Variants in UBQLN3 observed in about 807,000 individuals in gnomAD.
UBQLN3 encodes the protein ubiquilin-3.
In UBQLN3, 1 loss-of-function variant was observed where a neutral mutation model predicts 2.9. The observed-to-expected ratio is 0.35, with a 90% CI of 0.12 to 1.66. The LOEUF (loss-of-function observed/expected upper bound fraction) is 1.66. UBQLN3 is among the 40% of genes most tolerant of loss of function. UBQLN3 has a pLI of 0.35. For missense variants in UBQLN3, 924 were observed against 816.5 expected (o/e 1.13, Z -1.61); for synonymous variants, 358 against 317.6 (o/e 1.13, Z -1.35).
chr11:5,507,643 A>G lies in UBQLN3; in HGVS notation c.1916T>C (p.Ile639Thr), dbSNP rs1367694825. ...AGCATCCACGTCGCCCCCCGTAGCAATGAGGGCCTGAAGATTGGCTTCACG... is the reference window on the plus strand; with the variant it reads ...AGCATCCACGTCGCCCCCCGTAGCAGTGAGGGCCTGAAGATTGGCTTCACG... ...LNREANLQAL[I>T]ATGGDVDAAV... The change falls in exon 2 of 2, where the codon ATT (isoleucine) becomes ACT (threonine). Residue 639 changes from isoleucine (I) to threonine (T), a missense_variant. Physicochemically the swap from Ile to Thr is moderately conservative, Grantham distance 89. Transcript: ENST00000311659. The G allele has an allele frequency of 3.7e-6, 6 of 1,613,842 alleles. No homozygotes were observed. The highest frequency in any genetic ancestry group is 5.1e-6 in the Non-Finnish European group (6 of 1,179,806).
chr11:5,509,592 C>T lies in UBQLN3; in HGVS notation c.-34G>A. The T allele has an allele frequency of 6.3e-7, 1 of 1,588,696 alleles. No individual in the cohort carries two copies. Among genetic ancestry groups the T allele is most frequent in the Non-Finnish European group, 8.6e-7 (1 of 1,169,260 alleles). ...CAGGAGGCCCAGATCTGTGGGGACACAGCTAGGGGCATGGGGATTGGAGAC... is the reference window on the plus strand; with the variant it reads ...CAGGAGGCCCAGATCTGTGGGGACATAGCTAGGGGCATGGGGATTGGAGAC... On this transcript the variant is annotated splice_region_variant and 5_prime_UTR_variant, in exon 2 of 2. It adds an upstream start codon to the 5' untranslated region. Coordinates refer to ENST00000311659, the MANE Select transcript of UBQLN3 (RefSeq NM_017481.4).
In UBQLN3 at chr11:5,508,469, C is replaced by T. The variant is rs1029116268; in HGVS notation, c.1090G>A (p.Ala364Thr). The change falls in exon 2 of 2, where the codon GCA (alanine) becomes ACA (threonine). Residue 364 changes from alanine to threonine, a missense_variant. Ala to Thr is a moderately conservative substitution (Grantham distance 58). Transcript: ENST00000311659. The surrounding 1 kb of genome is among the most constrained non-coding windows in gnomAD (Gnocchi z 4.2). Reference protein sequence around the residue: ...QSLGTYLQGTASALSQSQEPP... With the variant: ...QSLGTYLQGTTSALSQSQEPP... ...TCCTGGCTTTGGCTGAGGGCAGATG[C>T]AGTCCCCTGTAGATAAGTTCCTAGG... 2.5e-6 allele frequency: 4 copies of T among 1,612,410 alleles called. No homozygotes were observed. Among genetic ancestry groups the T allele is most frequent in the East Asian group, 2.2e-5 (1 of 44,864 alleles).
At position 5,507,826 on chromosome 11, in the gene UBQLN3, T is replaced by G; in HGVS notation, c.1733A>C (p.Glu578Ala). ...TGCAGAGTCCAGTGCTGGGAACACC[T>G]CAGGAGGTGGATTTGGGAGAGGATC... ...SEDPLPNPPP[E>A]VFPALDSAEL... Residue 578 changes from glutamate (E) to alanine (A), a missense_variant, in exon 2 of 2, where the codon GAG (glutamate) becomes GCG (alanine). Coordinates refer to ENST00000311659, the MANE Select transcript of UBQLN3 (RefSeq NM_017481.4). 1 of 1,613,940 alleles carries G rather than the reference T, an allele frequency of 6.2e-7. No homozygotes were observed. The highest frequency in any genetic ancestry group is 8.5e-7 in the Non-Finnish European group (1 of 1,180,006).
chr11:5,508,003 C>CG lies in UBQLN3; in HGVS notation c.1555dup (p.Arg519ProfsTer10). The stretch of plus-strand genomic sequence containing the variant: ...AATCTGCCGCAGGGCTTGCAGGGCA[C>CG]GGGGGTTTGCCATGGCTGCCTGAAG... On this transcript the variant is annotated frameshift_variant, in exon 2 of 2. Coordinates refer to ENST00000311659, the MANE Select transcript of UBQLN3 (RefSeq NM_017481.4). LOFTEE classifies it low-confidence loss of function (END_TRUNC). The surrounding 1 kb of genome is among the most constrained non-coding windows in gnomAD (Gnocchi z 4.2). 2 of 1,614,040 alleles carry CG rather than the reference C, an allele frequency of 1.2e-6. No homozygotes were observed. Among genetic ancestry groups the CG allele is most frequent in the Non-Finnish European group, 1.7e-6 (2 of 1,180,028 alleles).
In UBQLN3 at chr11:5,508,151, C is replaced by T. The variant is rs751977598; in HGVS notation, c.1408G>A (p.Gly470Arg). 1.2e-6 allele frequency: 2 copies of T among 1,614,050 alleles called. No homozygotes were observed. Among genetic ancestry groups the T allele is most frequent in the Admixed American group, 1.7e-5 (1 of 60,000 alleles). The change falls in exon 2 of 2, where the codon GGA becomes AGA. Residue 470 changes from glycine (G) to arginine (R), a missense_variant. Transcript: ENST00000311659. The surrounding 1 kb of genome is among the most constrained non-coding windows in gnomAD (Gnocchi z 4.2). The stretch of plus-strand genomic sequence containing the variant: ...GGCAGCCAGGGAGGCTCAGGGATTC[C>T]AGGAATGGCTGCCGTGGGGGAAAAA... The part of the protein sequence containing the change: ...LSFSPTAAIP[G>R]IPEPPWLPSP...
chr11:5,508,375 G>T lies in UBQLN3; in HGVS notation c.1184C>A (p.Pro395His). Residue 395 changes from proline to histidine, a missense_variant, in exon 2 of 2, where the codon CCT becomes CAT. Pro to His is a moderately conservative substitution (Grantham distance 77). Coordinates refer to ENST00000311659, the MANE Select transcript of UBQLN3 (RefSeq NM_017481.4). The surrounding 1 kb of genome is among the most constrained non-coding windows in gnomAD (Gnocchi z 4.2). ...GATTGCTACTGACTCCTCGGGGAGA[G>T]GCTGGCCTGACCCAGGCTCCTGAGA... ...PSSQEPGSGQPLPEESVAIKG... is the reference protein window; with the variant it reads ...PSSQEPGSGQHLPEESVAIKG... 1.2e-6 allele frequency: 2 copies of T among 1,603,852 alleles called. No individual in the cohort carries two copies. The highest frequency in any genetic ancestry group is 1.7e-6 in the Non-Finnish European group (2 of 1,174,880).
chr11:5,507,743 T>G lies in UBQLN3; in HGVS notation c.1816A>C (p.Asn606His). The change falls in exon 2 of 2, where the codon AAT becomes CAT. Residue 606 changes from asparagine (N) to histidine (H), a missense_variant. By Grantham distance (68) the Asn-to-His change is moderately conservative (BLOSUM62 1). Transcript: ENST00000311659. ...LHMLQDLVST[N>H]PQQLQPEAHF... The stretch of plus-strand genomic sequence containing the variant: ...GCCTCAGGCTGCAGCTGCTGGGGAT[T>G]TGTACTAACTAAATCTTGCAGCATA... 3 of 1,614,072 alleles carry G rather than the reference T, an allele frequency of 1.9e-6. No homozygotes were observed. Among genetic ancestry groups the G allele is most frequent in the Non-Finnish European group, 1.7e-6 (2 of 1,180,032 alleles).
chr11:5,508,737 G>A lies in UBQLN3; in HGVS notation c.822C>T (p.Gly274=), dbSNP rs2234448. Residue 274 remains glycine (G), a synonymous_variant, in exon 2 of 2, where the codon GGC becomes GGT. Coordinates refer to ENST00000311659, the MANE Select transcript of UBQLN3 (RefSeq NM_017481.4). The surrounding 1 kb of genome is among the most constrained non-coding windows in gnomAD (Gnocchi z 4.2). ...TAGTGGCAGTGGCAAAGGGATTGCC[G>A]CCAAACTGCTCCTGGACTGCGTTAA... is the stretch of plus-strand genomic sequence containing the variant. ...PMLNAVQEQF[G]GNPFATATTD... is the part of the protein sequence containing the mutation. 2.3e-3 allele frequency: 3,690 copies of A among 1,613,840 alleles called. 70 individuals carry two copies. The African/African-American group carries it at 0.043, about 19-fold the overall frequency.
rs1233761620 is a variant in UBQLN3, at chr11:5,508,979, T to C, written c.580A>G (p.Asn194Asp). The change falls in exon 2 of 2, where the codon AAC becomes GAC. Residue 194 changes from asparagine to aspartate, a missense_variant. Transcript: ENST00000311659. This position sits in a 1 kb window ranked among gnomAD's most constrained non-coding sequence, Gnocchi z 4.2. ...TGGATCAGCTGCTGCATATGGGGGT[T>C]GTCAAGAACCAGCTGGCGTACTAGG... The part of the protein sequence containing the change: ...TGLVRQLVLD[N>D]PHMQQLIQHN... The C allele has an allele frequency of 6.2e-7, 1 of 1,614,118 alleles. No homozygotes were observed. Among genetic ancestry groups the C allele is most frequent in the Admixed American group, 1.7e-5 (1 of 60,016 alleles).
chr11:5,508,952 GC>G lies in UBQLN3; in HGVS notation c.606del (p.Gln202HisfsTer28). 1 of 1,614,200 alleles carries G rather than the reference GC, an allele frequency of 6.2e-7. No individual in the cohort carries two copies. Among genetic ancestry groups the G allele is most frequent in the East Asian group, 2.2e-5 (1 of 44,882 alleles). ...LDNPHMQQLI[Q>X]HNPEIGHILN... ...AGAATATGCCCAATCTCAGGGTTGT[GC>G]TGGATCAGCTGCTGCATATGGGGGT... On this transcript the variant is annotated frameshift_variant, in exon 2 of 2. Coordinates refer to ENST00000311659, the MANE Select transcript of UBQLN3 (RefSeq NM_017481.4). LOFTEE classifies it low-confidence loss of function (END_TRUNC). The surrounding 1 kb of genome is among the most constrained non-coding windows in gnomAD (Gnocchi z 4.2).
Position 5,509,393 on chromosome 11 carries a change from C to A in UBQLN3, c.166G>T (p.Ala56Ser), listed in dbSNP as rs149544776. ...LKEEISQRFKAHPDQLVLIFA... is the reference protein window; with the variant it reads ...LKEEISQRFKSHPDQLVLIFA... ...ATTAGAACAAGCTGATCGGGGTGGG[C>A]CTTAAAGCGCTGAGATATCTCTTCC... Residue 56 changes from alanine to serine, a missense_variant, in exon 2 of 2, where the codon GCC becomes TCC. By Grantham distance (99) the Ala-to-Ser change is moderately conservative. Transcript: ENST00000311659. 1 of 1,614,128 alleles carries A rather than the reference C, an allele frequency of 6.2e-7. No individual in the cohort carries two copies. Among genetic ancestry groups the A allele is most frequent in the Non-Finnish European group, 8.5e-7 (1 of 1,180,006 alleles).
Position 5,509,533 on chromosome 11 carries a change from G to T in UBQLN3, c.26C>A (p.Pro9Gln). The change falls in exon 2 of 2, where the codon CCA becomes CAA. Residue 9 changes from proline to glutamine, a missense_variant. By Grantham distance (76) the Pro-to-Gln change is moderately conservative. Coordinates refer to ENST00000311659, the MANE Select transcript of UBQLN3 (RefSeq NM_017481.4). MAKGGEAL[P>Q]QGSPAPVQDP... ...CTGGACTGGTGCTGGGCTGCCCTGT[G>T]GCAGGGCTTCTCCACCTTTGGCCAT... 1 of 1,613,834 alleles carries T rather than the reference G, an allele frequency of 6.2e-7. No homozygotes were observed. Among genetic ancestry groups the T allele is most frequent in the Non-Finnish European group, 8.5e-7 (1 of 1,179,834 alleles).
In UBQLN3 at chr11:5,508,391, G is replaced by A. The variant is rs1172438940; in HGVS notation, c.1168C>T (p.Pro390Ser). Residue 390 changes from proline (P) to serine (S), a missense_variant, in exon 2 of 2, where the codon CCT (proline) becomes TCT (serine). Physicochemically the swap from Pro to Ser is moderately conservative, Grantham distance 74 (BLOSUM62 -1). Transcript: ENST00000311659. The surrounding 1 kb of genome is among the most constrained non-coding windows in gnomAD (Gnocchi z 4.2). ...TCGGGGAGAGGCTGGCCTGACCCAG[G>A]CTCCTGAGATGAGGGTGACGATGGG... Reference protein sequence around the residue: ...VPPSSPSSQEPGSGQPLPEES... With the variant: ...VPPSSPSSQESGSGQPLPEES... The A allele has an allele frequency of 1.2e-6, 2 of 1,601,352 alleles. No individual in the cohort carries two copies. Among genetic ancestry groups the A allele is most frequent in the East Asian group, 2.2e-5 (1 of 44,754 alleles).
In UBQLN3 at chr11:5,508,029, G is replaced by A; in HGVS notation, c.1530C>T (p.His510=). The stretch of plus-strand genomic sequence containing the variant: ...GGGGGTTTGCCATGGCTGCCTGAAG[G>A]TGCATCAGCAGTGGCAGCTGTGGTT... The part of the protein sequence containing the change: ...EIQPQLPLLM[H]LQAAMANPRA... Residue 510 remains histidine, a synonymous_variant, in exon 2 of 2, where the codon CAC becomes CAT. Transcript: ENST00000311659. The surrounding 1 kb of genome is among the most constrained non-coding windows in gnomAD (Gnocchi z 4.2). The A allele has an allele frequency of 6.2e-7, 1 of 1,614,144 alleles. No homozygotes were observed. Among genetic ancestry groups the A allele is most frequent in the Non-Finnish European group, 8.5e-7 (1 of 1,180,042 alleles).
chr11:5,508,653 G>A lies in UBQLN3; in HGVS notation c.906C>T (p.Leu302=). The change falls in exon 2 of 2, where the codon CTC becomes CTT. Residue 302 remains leucine, a synonymous_variant. Transcript: ENST00000311659. This position sits in a 1 kb window ranked among gnomAD's most constrained non-coding sequence, Gnocchi z 4.2. ...CATGTGTGGAAGTCCAGGGGTTGGG[G>A]AGAGGGTCACAATTCTCCATCCTTG... ...QPSRMENCDP[L]PNPWTSTHGG... The A allele has an allele frequency of 6.2e-7, 1 of 1,614,074 alleles. No homozygotes were observed. Among genetic ancestry groups the A allele is most frequent in the African/African-American group, 1.3e-5 (1 of 75,022 alleles).
chr11:5,507,664 T>C lies in UBQLN3; in HGVS notation c.1895A>G (p.Glu632Gly), dbSNP rs1846398206. The change falls in exon 2 of 2, where the codon GAA (glutamate) becomes GGA (glycine). Residue 632 changes from glutamate (E) to glycine (G), a missense_variant. Coordinates refer to ENST00000311659, the MANE Select transcript of UBQLN3 (RefSeq NM_017481.4). ...QLRSMGFLNR[E>G]ANLQALIATG... ...AGCAATGAGGGCCTGAAGATTGGCT[T>C]CACGATTCAGAAAGCCCATGGACCG... 1 of 1,613,964 alleles carries C rather than the reference T, an allele frequency of 6.2e-7. No homozygotes were observed. The highest frequency in any genetic ancestry group is 8.5e-7 in the Non-Finnish European group (1 of 1,180,022).
Position 5,509,011 on chromosome 11 carries a change from T to C in UBQLN3, c.548A>G (p.Asn183Ser). Reference sequence around the variant, plus strand: ...AACCAGCTGGCGTACTAGGCCTGTGTTGGACAGCAGACCCGGGATGAAGGG... The same window carrying C: ...AACCAGCTGGCGTACTAGGCCTGTGCTGGACAGCAGACCCGGGATGAAGGG... ...DDPFIPGLLS[N>S]TGLVRQLVLD... The change falls in exon 2 of 2, where the codon AAC becomes AGC. Residue 183 changes from asparagine to serine, a missense_variant. Asn to Ser is a conservative substitution (Grantham distance 46, BLOSUM62 1). Coordinates refer to ENST00000311659, the MANE Select transcript of UBQLN3 (RefSeq NM_017481.4). 4 of 1,614,114 alleles carry C rather than the reference T, an allele frequency of 2.5e-6. No individual in the cohort carries two copies. The highest frequency in any genetic ancestry group is 3.4e-6 in the Non-Finnish European group (4 of 1,179,982).
Position 5,509,388 on chromosome 11 carries a change from G to T in UBQLN3, c.171C>A (p.His57Gln), listed in dbSNP as rs1158276146. ...KEEISQRFKAHPDQLVLIFAG... is the reference protein window; with the variant it reads ...KEEISQRFKAQPDQLVLIFAG... ...CAAAGATTAGAACAAGCTGATCGGG[G>T]TGGGCCTTAAAGCGCTGAGATATCT... The change falls in exon 2 of 2, where the codon CAC becomes CAA. Residue 57 changes from histidine to glutamine, a missense_variant. By Grantham distance (24) the His-to-Gln change is conservative. Coordinates refer to ENST00000311659, the MANE Select transcript of UBQLN3 (RefSeq NM_017481.4). 6.2e-7 allele frequency: 1 copy of T among 1,614,200 alleles called. No individual in the cohort carries two copies. The highest frequency in any genetic ancestry group is 1.7e-5 in the Admixed American group (1 of 60,036).
In UBQLN3 at chr11:5,509,268, G is replaced by A. The variant is rs16932068; in HGVS notation, c.291C>T (p.Ala97=). The A allele has an allele frequency of 8.1e-4, 1,315 of 1,614,210 alleles. 11 individuals carry two copies. The African/African-American group carries it at 0.016, about 19-fold the overall frequency. ...AGGCAGCTGGGCACTCATTGCCCAT[G>A]GCACGGTGCTGCCTCTTGATGACCA... is the stretch of plus-strand genomic sequence containing the variant. ...VHLVIKRQHR[A]MGNECPAASV... is the part of the protein sequence containing the mutation. The change falls in exon 2 of 2, where the codon GCC becomes GCT. Residue 97 remains alanine, a synonymous_variant. Transcript: ENST00000311659.
Sources: allele counts gnomAD v4.1 joint callset, GRCh38; gene constraint gnomAD v4.1.1; non-coding constraint Gnocchi (gnomAD v3.1); transcripts MANE v1.5; gene names NCBI Gene and HGNC (gene_info 2026-07-23, HGNC 2026-07-21).